The following FAXDC2 variants were observed in gnomAD, a reference collection of about 807,000 sequenced individuals.
FAXDC2 encodes the protein fatty acid hydroxylase domain containing 2.
FAXDC2 carries 41 observed loss-of-function variants against 40.9 expected under a neutral mutation model. That is an observed-to-expected ratio of 1.00 (90% CI 0.78 to 1.30). FAXDC2 has a LOEUF of 1.30. FAXDC2 is among the 50% of genes most tolerant of loss of function. The pLI, the probability that FAXDC2 is intolerant of heterozygous loss-of-function variation, is 0.00. For synonymous variants in FAXDC2, 157 were observed against 149.3 expected (o/e 1.05, Z -0.38); for missense variants, 390 against 408.8 (o/e 0.95, Z 0.40).
At chr5:154,842,157 A>G (rs1040842326) in intron 1 of FAXDC2, among the ~76,000 whole-genome samples, 1 of 151,498 alleles carries the variant, frequency 6.6e-6, no homozygotes, top group African/African-American at 2.4e-5. Context: ...CAAATGTTTC[A>G]TTTCCCCCAC....
Position 154,820,085 on chromosome 5 carries a change from T to C in FAXDC2, c.*231A>G, listed in dbSNP as rs1206776219. 1 of 447,538 alleles carries C rather than the reference T, an allele frequency of 2.2e-6. No individual in the cohort carries two copies. Among genetic ancestry groups the C allele is most frequent in the Non-Finnish European group, 4.2e-6 (1 of 238,326 alleles). 27.7% of individuals were successfully genotyped at this position (447,538 alleles called of 1,614,324 possible). A position where few individuals can be genotyped will look rare whatever the true frequency, so the allele number is the denominator to read the frequency against. ...CCAGCCTCCAGTCTGGGGAGCTGTGTTTTCCTTTTTCTTAAGCTAACTCCT... is the reference window on the plus strand; with the variant it reads ...CCAGCCTCCAGTCTGGGGAGCTGTGCTTTCCTTTTTCTTAAGCTAACTCCT... On this transcript the variant is annotated 3_prime_UTR_variant, in exon 9 of 9. Coordinates refer to ENST00000326080, the MANE Select transcript of FAXDC2 (RefSeq NM_032385.5).
chr5:154,849,866 G>A (rs934814218), intron 1 of FAXDC2, among the ~76,000 whole-genome samples: 7 of 152,142 alleles, frequency 4.6e-5, no homozygotes, highest in South Asian at 2.1e-4. Flanking sequence ...AATAACCTTC[G>A]TGGAGTGTTT....
intron 5 of FAXDC2, among the ~76,000 whole-genome samples, chr5:154,827,376 T>C (rs1302143258): frequency 6.6e-6 from 1 of 150,392 alleles, no homozygotes; most frequent in African/African-American, 2.5e-5. Flanking sequence ...TAAAGATAAC[T>C]CTCTCAAAGA....
rs1327316660 is a variant in FAXDC2, at chr5:154,830,918, G to A, written c.249C>T (p.Ala83=). 1.9e-6 allele frequency: 3 copies of A among 1,613,542 alleles called. No individual in the cohort carries two copies. The highest frequency in any genetic ancestry group is 1.3e-5 in the African/African-American group (1 of 74,896). Residue 83 remains alanine, a synonymous_variant, in exon 5 of 9, where the codon GCC becomes GCT. Coordinates refer to ENST00000326080, the MANE Select transcript of FAXDC2 (RefSeq NM_032385.5). ...GKEWILFFIG[A]IQVPCLFFWS... ...AGAAGAAGAGACAAGGCACTTGGATGGCACCTGAGATTGGGAAACAGAAAC... is the reference window on the plus strand; with the variant it reads ...AGAAGAAGAGACAAGGCACTTGGATAGCACCTGAGATTGGGAAACAGAAAC...
intron 2 of FAXDC2, 45 bp downstream of exon 2, chr5:154,838,085 AC>A: frequency 7.6e-7 from 1 of 1,310,632 alleles, no homozygotes; most frequent in Non-Finnish European, 1.1e-6. Flanking sequence ...GCAAAGAGCC[AC>A]TGACTACATT....
intron 1 of FAXDC2, among the ~76,000 whole-genome samples, chr5:154,839,590 A>G (rs1158011591): frequency 6.6e-6 from 1 of 151,886 alleles, no homozygotes; most frequent in Non-Finnish European, 1.5e-5. Flanking sequence ...GGAGGCTGCA[A>G]TGAGCCATGA....
chr5:154,840,841 G>C (rs1298997290), intron 1 of FAXDC2, among the ~76,000 whole-genome samples: 1 of 152,182 alleles, frequency 6.6e-6, no homozygotes, highest in Admixed American at 6.5e-5. Context: ...ATGAGCCACT[G>C]TGCCCAGCCC....
chr5:154,850,153 G>A (rs1760694709), intron 1 of FAXDC2, among the ~76,000 whole-genome samples: 1 of 152,160 alleles, frequency 6.6e-6, no homozygotes, highest in South Asian at 2.1e-4. Context: ...CTTTACAAAT[G>A]GTTTTAAAGT....
At chr5:154,829,048 A>G (rs963604229) in intron 5 of FAXDC2, among the ~76,000 whole-genome samples, 3 of 147,952 alleles carry the variant, frequency 2.0e-5, no homozygotes, top group Non-Finnish European at 4.5e-5. Flanking sequence ...ATGCGCCACC[A>G]TGCCCAGCTA....
intron 5 of FAXDC2, among the ~76,000 whole-genome samples, chr5:154,827,170 T>G (rs919003010): frequency 6.6e-6 from 1 of 152,036 alleles, no homozygotes; most frequent in South Asian, 2.1e-4. Flanking sequence ...CCAGGCGTGA[T>G]GGCACACGCC....
chr5:154,838,084 C>T, intron 2 of FAXDC2, 47 bp downstream of exon 2: 1 of 1,283,492 alleles, frequency 7.8e-7, no homozygotes, highest in Non-Finnish European at 1.1e-6. Context: ...GGCAAAGAGC[C>T]ACTGACTACA....
intron 8 of FAXDC2, chr5:154,820,862 C>T (rs1759869874): frequency 8.1e-6 from 2 of 247,792 alleles, no homozygotes; most frequent in Non-Finnish European, 1.6e-5. Context: ...GAGTGGAATT[C>T]AAGAGCCTAT....
intron 5 of FAXDC2, among the ~76,000 whole-genome samples, chr5:154,828,668 C>T (rs1760105122): frequency 6.6e-6 from 1 of 151,682 alleles, no homozygotes; most frequent in Non-Finnish European, 1.5e-5. Flanking sequence ...ACAACCATGG[C>T]TCGCTTCAGC....
chr5:154,842,963 G>A (rs1339969979), intron 1 of FAXDC2, among the ~76,000 whole-genome samples: 1 of 152,066 alleles, frequency 6.6e-6, no homozygotes, highest in Non-Finnish European at 1.5e-5. Flanking sequence ...TGAACCACCA[G>A]GCCCAGCTCA....
chr5:154,833,038 C>T (rs1447449161), intron 4 of FAXDC2, among the ~76,000 whole-genome samples: 1 of 151,476 alleles, frequency 6.6e-6, no homozygotes, highest in East Asian at 1.9e-4. Flanking sequence ...CATTTAAATA[C>T]TTCTTTTTTT....
At chr5:154,836,455 C>T (rs914455082) in intron 2 of FAXDC2, 1 of 152,160 alleles carries the variant, frequency 6.6e-6, no homozygotes, top group Non-Finnish European at 1.5e-5. Context: ...GTACGACAGA[C>T]AGGAATTACA....
chr5:154,819,003 T>C lies in FAXDC2; in HGVS notation c.*1313A>G, dbSNP rs1351212225. 1.3e-5 allele frequency: 2 copies of C among 152,226 alleles called. No homozygotes were observed. The highest frequency in any genetic ancestry group is 2.9e-5 in the Non-Finnish European group (2 of 68,042). The allele number at this position is 152,226 out of a possible 1,614,324, so 9.4% of individuals were successfully genotyped here. ...CCTGGTAAGTGCTCAGCTGGCCTAC[T>C]GGGCAAGTCCTCTGGGGTTCTAGAG... On this transcript the variant is annotated 3_prime_UTR_variant, in exon 9 of 9. Coordinates refer to ENST00000326080, the MANE Select transcript of FAXDC2 (RefSeq NM_032385.5).
At chr5:154,833,782 C>T (rs1236003497) in intron 4 of FAXDC2, among the ~76,000 whole-genome samples, 2 of 152,020 alleles carry the variant, frequency 1.3e-5, no homozygotes, top group East Asian at 3.8e-4. Flanking sequence ...TTCTCCCTGC[C>T]TCAGCCTCCC....
chr5:154,839,342 AG>A (rs1402556978), intron 1 of FAXDC2, among the ~76,000 whole-genome samples: 9 of 151,192 alleles, frequency 6.0e-5, no homozygotes, highest in Admixed American at 1.3e-4. Flanking sequence ...AAAAAAAAAA[AG>A]AAAAGAAATA....
Sources: gnomAD v4.1 joint callset for allele counts (sites outside exome capture counted in the v4.1 genomes callset) on GRCh38, gnomAD v4.1.1 for gene constraint, MANE v1.5 for transcripts, NCBI Gene and HGNC (gene_info 2026-07-23, HGNC 2026-07-21) for gene names.